MED12L: variants seen among roughly 807,000 people sequenced by gnomAD.
MED12L encodes mediator complex subunit 12L.
Under a neutral mutation model 281.3 loss-of-function variants are expected in MED12L, and 60 were observed. The observed-to-expected ratio is 0.21, with a 90% CI of 0.17 to 0.26. The LOEUF (loss-of-function observed/expected upper bound fraction) is 0.26, where lower values mean the gene tolerates loss of function less well. Ranked by LOEUF, MED12L falls within the 10% of genes least tolerant of loss-of-function variation. The probability of loss-of-function intolerance (pLI) is 1.00; values close to 1 mark genes in which losing one functional copy is unlikely to be tolerated. For missense variants in MED12L, 2,146 were observed against 2,680.9 expected (o/e 0.80, Z 4.41); for synonymous variants, 974 against 987.2 (o/e 0.99, Z 0.25).
At chr3:151,246,644 G>A (rs573041945) in intron 16 of MED12L, among the ~76,000 whole-genome samples, 9 of 152,098 alleles carry the variant, frequency 5.9e-5, no homozygotes, top group South Asian at 2.1e-4. Flanking sequence ...AGACTTAAAC[G>A]TTAGACCTAC....
intron 43 of MED12L, among the ~76,000 whole-genome samples, chr3:151,420,485 G>A (rs1009383659): frequency 3.9e-5 from 6 of 152,124 alleles, no homozygotes; most frequent in Admixed American, 1.3e-4. Flanking sequence ...TAGGAGTGAT[G>A]GTGAGTGGTG....
intron 16 of MED12L, among the ~76,000 whole-genome samples, chr3:151,241,384 CT>C (rs768838712): frequency 6.6e-6 from 1 of 152,048 alleles, no homozygotes; most frequent in Non-Finnish European, 1.5e-5. Flanking sequence ...TCAAAACAAA[CT>C]TTTACTCTTG....
intron 43 of MED12L, among the ~76,000 whole-genome samples, chr3:151,423,702 A>G (rs764953463): frequency 1.3e-4 from 20 of 150,234 alleles, no homozygotes; most frequent in Non-Finnish European, 2.5e-4. Context: ...TGTTGTGATT[A>G]AGTTAATTCT....
rs1387700265 is a variant in MED12L, at chr3:151,368,190, A to G, written c.3489A>G (p.Thr1163=). 6.2e-7 allele frequency: 1 copy of G among 1,614,108 alleles called. No individual in the cohort carries two copies. The highest frequency in any genetic ancestry group is 8.5e-7 in the Non-Finnish European group (1 of 1,179,990). ...DADAEPGARM[T]CRLLLHLFRA... ...ACGCCGAGCCTGGGGCGAGAATGAC[A>G]TGCCGACTCTTGCTTCATCTCTTCC... Residue 1163 remains threonine (T), a synonymous_variant, in exon 25 of 45, where the codon ACA becomes ACG. Coordinates refer to ENST00000687756, the MANE Select transcript of MED12L (RefSeq NM_001393769.1).
At chr3:151,357,761 A>C (rs1030318279) in intron 20 of MED12L, among the ~76,000 whole-genome samples, 1 of 152,242 alleles carries the variant, frequency 6.6e-6, no homozygotes, top group Admixed American at 6.5e-5. Flanking sequence ...TAAGCTTTGC[A>C]TACATTATCA....
chr3:151,359,723 C>G (rs973530225), intron 20 of MED12L, among the ~76,000 whole-genome samples: 1 of 152,072 alleles, frequency 6.6e-6, no homozygotes, highest in Non-Finnish European at 1.5e-5. Context: ...AATCTGTCAT[C>G]TGTGACTCCG....
At chr3:151,244,361 T>C (rs1308690292) in intron 16 of MED12L, among the ~76,000 whole-genome samples, 2 of 127,154 alleles carry the variant, frequency 1.6e-5, no homozygotes, top group Non-Finnish European at 1.8e-5. Context: ...GACCACATAC[T>C]TGGATGTAAA....
At chr3:151,312,203 A>C (rs936281791) in intron 16 of MED12L, among the ~76,000 whole-genome samples, 2 of 152,208 alleles carry the variant, frequency 1.3e-5, no homozygotes, top group African/African-American at 4.8e-5. Flanking sequence ...GGGGACAGGT[A>C]GGTCATCCAC....
intron 16 of MED12L, among the ~76,000 whole-genome samples, chr3:151,195,129 C>T (rs921962343): frequency 1.3e-5 from 2 of 152,196 alleles, no homozygotes; most frequent in Non-Finnish European, 2.9e-5. Context: ...CACCACTGCA[C>T]TCCAGCCTGG....
intron 16 of MED12L, chr3:151,329,527 A>G: frequency 6.5e-7 from 1 of 1,547,174 alleles, no homozygotes; most frequent in Non-Finnish European, 8.7e-7. Context: ...GGCGGCAGTC[A>G]TTAGTTCAGC....
chr3:151,299,964 G>T (rs1745676844), intron 16 of MED12L: 1 of 792,620 alleles, frequency 1.3e-6, no homozygotes, highest in African/African-American at 1.7e-5. Context: ...GGTTTATTTT[G>T]TTAGTTGGTT....
intron 28 of MED12L, 126 bp from the exon 29 acceptor site, chr3:151,376,674 T>C (rs1756892704): frequency 1.3e-6 from 1 of 764,726 alleles, no homozygotes; most frequent in African/African-American, 1.8e-5. Flanking sequence ...ACCTTTTGAC[T>C]CATATAAATT....
intron 16 of MED12L, chr3:151,269,696 A>AT: frequency 2.4e-6 from 1 of 416,660 alleles, no homozygotes; most frequent in Admixed American, 2.9e-5. Flanking sequence ...AAAGATTTTT[A>AT]TTTTGATGAA....
chr3:151,152,867 A>G (rs1718740750), intron 5 of MED12L, among the ~76,000 whole-genome samples: 2 of 152,282 alleles, frequency 1.3e-5, no homozygotes, highest in Admixed American at 6.5e-5. Flanking sequence ...TAACACCGCC[A>G]GTGACCTTTG....
chr3:151,293,781 A>G (rs745813102), intron 16 of MED12L, among the ~76,000 whole-genome samples: 1 of 152,168 alleles, frequency 6.6e-6, no homozygotes, highest in Non-Finnish European at 1.5e-5. Context: ...TAGTTTATAG[A>G]TGGAAAGTAG....
intron 16 of MED12L, among the ~76,000 whole-genome samples, chr3:151,334,383 G>C (rs936571062): frequency 2.0e-5 from 3 of 150,772 alleles, no homozygotes; most frequent in Non-Finnish European, 3.0e-5. Flanking sequence ...GATGTCTTCA[G>C]TGCAAAATGA....
At chr3:151,411,645 G>A (rs981551277) in intron 41 of MED12L, 138 bp downstream of exon 41, 16 of 712,790 alleles carry the variant, frequency 2.2e-5, no homozygotes, top group African/African-American at 8.9e-5. Context: ...CTGTCATCTC[G>A]TTTTTAGTAG....
intron 2 of MED12L, among the ~76,000 whole-genome samples, chr3:151,087,740 C>T (rs1244761827): frequency 1.3e-5 from 2 of 152,178 alleles, no homozygotes; most frequent in South Asian, 2.1e-4. Context: ...GACTCTTGCA[C>T]CAGCTACATT....
chr3:151,246,451 C>T (rs1271660547), intron 16 of MED12L, among the ~76,000 whole-genome samples: 4 of 152,000 alleles, frequency 2.6e-5, no homozygotes, highest in African/African-American at 9.7e-5. Context: ...GAACAGAGCC[C>T]TCAGAAATAA....
Sources: allele counts gnomAD v4.1 joint callset (sites outside exome capture counted in the v4.1 genomes callset), GRCh38; gene constraint gnomAD v4.1.1; transcripts MANE v1.5; gene names NCBI Gene and HGNC (gene_info 2026-07-23, HGNC 2026-07-21).